Variants in VAT1L observed in about 807,000 individuals in gnomAD.
VAT1L encodes the protein vesicle amine transport 1 like.
Under a neutral mutation model 44.1 loss-of-function variants are expected in VAT1L, and 34 were observed. The observed-to-expected ratio is 0.77, with a 90% CI of 0.59 to 1.03. VAT1L has a LOEUF of 1.03. VAT1L is among the 50% of genes least tolerant of loss of function. VAT1L has a pLI of 0.00. For synonymous variants in VAT1L, 253 were observed against 202.2 expected, an observed-to-expected ratio of 1.25 and a Z score of -2.13; for missense variants, 615 against 538.8, an observed-to-expected ratio of 1.14 and a Z score of -1.40.
At chr16:77,794,572 G>C (rs1318508558) in intron 1 of VAT1L, among the ~76,000 whole-genome samples, 2 of 152,222 alleles carry the variant, frequency 1.3e-5, no homozygotes, top group African/African-American at 4.8e-5. Context: ...ACTGTCACCA[G>C]TAAGGTTGAT....
At chr16:77,898,036 A>T (rs1374472347) in intron 7 of VAT1L, among the ~76,000 whole-genome samples, 1 of 152,170 alleles carries the variant, frequency 6.6e-6, no homozygotes, top group Admixed American at 6.5e-5. Context: ...TCTGAGGGTC[A>T]TGAAGGAATC....
chr16:77,878,944 G>C (rs539617241), intron 5 of VAT1L, among the ~76,000 whole-genome samples: 17 of 152,138 alleles, frequency 1.1e-4, no homozygotes, highest in African/African-American at 1.7e-4. Flanking sequence ...AAAGTAATAA[G>C]ACGGTCATCA....
intron 7 of VAT1L, among the ~76,000 whole-genome samples, chr16:77,890,999 G>A (rs1314811047): frequency 1.3e-5 from 2 of 151,624 alleles, no homozygotes; most frequent in African/African-American, 2.4e-5. Context: ...TCTCCAGTAC[G>A]GTACCACTGG....
At chr16:77,833,213 T>C (rs1189493967) in intron 3 of VAT1L, among the ~76,000 whole-genome samples, 1 of 152,184 alleles carries the variant, frequency 6.6e-6, no homozygotes, top group Non-Finnish European at 1.5e-5. Context: ...CAGATTCTCT[T>C]CTTTCAATGA....
chr16:77,833,749 C>CA (rs1209780997), intron 3 of VAT1L, among the ~76,000 whole-genome samples: 58 of 126,574 alleles, frequency 4.6e-4, no homozygotes, highest in Non-Finnish European at 5.9e-4. Context: ...GACTCTGTCT[C>CA]AAAAAAAAAA....
At chr16:77,844,517 T>TC (rs1224867900) in intron 3 of VAT1L, among the ~76,000 whole-genome samples, 2 of 152,124 alleles carry the variant, frequency 1.3e-5, no homozygotes, top group Admixed American at 6.5e-5. Flanking sequence ...CAAGTGATTC[T>TC]CCCCCCTTAG....
At chr16:77,817,148 G>T in intron 2 of VAT1L, 98 bp downstream of exon 2, 5 of 1,484,778 alleles carry the variant, frequency 3.4e-6, no homozygotes, top group Non-Finnish European at 4.5e-6. Context: ...AACCTATGGC[G>T]TGCATTATTA....
chr16:77,802,346 G>A (rs535585226), intron 1 of VAT1L, among the ~76,000 whole-genome samples: 3 of 152,260 alleles, frequency 2.0e-5, no homozygotes, highest in South Asian at 2.1e-4. Context: ...CCGGGGCACC[G>A]TGGCCCACGC....
chr16:77,848,665 CT>C (rs774309076), intron 3 of VAT1L, among the ~76,000 whole-genome samples: 44 of 152,310 alleles, frequency 2.9e-4, no homozygotes, highest in Middle Eastern at 6.8e-3. Flanking sequence ...CCAACGCCAG[CT>C]ATCCAGTAAA....
At chr16:77,977,112 C>A (rs144769077) in intron 8 of VAT1L, among the ~76,000 whole-genome samples, 1 of 152,288 alleles carries the variant, frequency 6.6e-6, no homozygotes, top group East Asian at 1.9e-4. Context: ...ACTCTTGTCA[C>A]CAGAGCATGC....
At chr16:77,895,088 C>G (rs2017308077) in intron 7 of VAT1L, among the ~76,000 whole-genome samples, 1 of 58,402 alleles carries the variant, frequency 1.7e-5, no homozygotes. Flanking sequence ...CGTGATCACC[C>G]CAGCCACTTG....
intron 4 of VAT1L, among the ~76,000 whole-genome samples, chr16:77,872,843 G>A (rs947789816): frequency 3.9e-5 from 6 of 152,206 alleles, no homozygotes; most frequent in African/African-American, 1.4e-4. Context: ...TCACAACTCA[G>A]CATGCACAGT....
At chr16:77,795,332 G>GA (rs2015910491) in intron 1 of VAT1L, among the ~76,000 whole-genome samples, 1 of 151,716 alleles carries the variant, frequency 6.6e-6, no homozygotes, top group Admixed American at 6.6e-5. Context: ...TATTTTACAT[G>GA]AAATAGGATT....
intron 3 of VAT1L, among the ~76,000 whole-genome samples, chr16:77,859,226 G>C (rs1380309386): frequency 6.6e-6 from 1 of 152,230 alleles, no homozygotes; most frequent in East Asian, 1.9e-4. Context: ...CTTGAGCCCA[G>C]GAGTTCAAGG....
At chr16:77,975,194 CTTTTTTTTTTTTTTTTTTTTTTTTT>C (rs35017686) in intron 8 of VAT1L, among the ~76,000 whole-genome samples, 1 of 39,836 alleles carries the variant, frequency 2.5e-5, no homozygotes, top group Non-Finnish European at 4.2e-5. Flanking sequence ...GGAATGACCA[CTTTTTTTTTTTTTTTTTTTTTTTTT>C]TTTTTTTTTA....
chr16:77,917,710 T>C (rs1188428579), intron 7 of VAT1L, among the ~76,000 whole-genome samples: 1 of 152,226 alleles, frequency 6.6e-6, no homozygotes, highest in African/African-American at 2.4e-5. Context: ...TCCACTCTGC[T>C]GCCTTGCCTT....
At chr16:77,864,439 C>G (rs960080884) in intron 4 of VAT1L, among the ~76,000 whole-genome samples, 1 of 150,370 alleles carries the variant, frequency 6.7e-6, no homozygotes, top group Non-Finnish European at 1.5e-5. Context: ...CCTGTGCCCC[C>G]CCACAAAAAT....
At chr16:77,797,428 A>T (rs2015957931) in intron 1 of VAT1L, among the ~76,000 whole-genome samples, 1 of 151,978 alleles carries the variant, frequency 6.6e-6, no homozygotes, top group Non-Finnish European at 1.5e-5. Context: ...TTTTTTTAGG[A>T]TGCTAGCTTT....
Position 77,788,565 on chromosome 16 carries a change from T to C in VAT1L, c.-118T>C. 1 of 1,195,598 alleles carries C rather than the reference T, an allele frequency of 8.4e-7. No homozygotes were observed. Among genetic ancestry groups the C allele is most frequent in the Admixed American group, 2.4e-5 (1 of 41,962 alleles). 74.1% of individuals were successfully genotyped at this position (1,195,598 alleles called of 1,614,324 possible). On this transcript the variant is annotated 5_prime_UTR_variant, in exon 1 of 9. Transcript: ENST00000302536. ...GCGGCGCTCGCAGAGGCTGCAGCCA[T>C]TGCACAGCCGAGCATCCCACATTCA...
Sources: gnomAD v4.1 joint callset for allele counts (sites outside exome capture counted in the v4.1 genomes callset) on GRCh38, gnomAD v4.1.1 for gene constraint, MANE v1.5 for transcripts, NCBI Gene and HGNC (gene_info 2026-07-23, HGNC 2026-07-21) for gene names.